ZNF860: variants seen among roughly 807,000 people sequenced by gnomAD.
ZNF860 encodes the protein zinc finger protein 860.
For missense variants in ZNF860, 641 were observed against 759.2 expected, an observed-to-expected ratio of 0.84 and a Z score of 1.83; for synonymous variants, 206 against 248.9, an observed-to-expected ratio of 0.83 and a Z score of 1.62.
the ZNF860 span, among the ~76,000 whole-genome samples, chr3:32,002,923 C>G: frequency 6.6e-6 from 1 of 152,178 alleles, no homozygotes; most frequent in African/African-American, 2.4e-5. Flanking sequence ...GACAGACAAT[C>G]AGGTCATTAC....
At chr3:31,997,472 C>T in the ZNF860 span, among the ~76,000 whole-genome samples, 1 of 151,798 alleles carries the variant, frequency 6.6e-6, no homozygotes. Flanking sequence ...ACCATGTTGG[C>T]CAGGATGGTC....
chr3:31,983,428 A>C (rs1158319647), intron 1 of ZNF860, among the ~76,000 whole-genome samples: 1 of 152,224 alleles, frequency 6.6e-6, no homozygotes, highest in Non-Finnish European at 1.5e-5. Context: ...CTAGCACAAC[A>C]AATTCTCACC....
At position 31,990,140 on chromosome 3, in the gene ZNF860, A is replaced by C; in HGVS notation, c.1061A>C (p.Asp354Ala). The change falls in exon 2 of 2, where the codon GAT becomes GCT. Residue 354 changes from aspartate to alanine, a missense_variant. By Grantham distance (126) the Asp-to-Ala change is moderately radical. Transcript: ENST00000360311. ...GTTTGTGAAAAGGCTTTCAGGCGTG[A>C]TTCACACCTCACACAACACACTAGA... ...CKVCEKAFRR[D>A]SHLTQHTRIH... 3.7e-6 allele frequency: 6 copies of C among 1,611,714 alleles called. No homozygotes were observed. Among genetic ancestry groups the C allele is most frequent in the Non-Finnish European group, 5.1e-6 (6 of 1,178,588 alleles).
In ZNF860 at chr3:31,989,526, G is replaced by A. The variant is rs1401399705; in HGVS notation, c.447G>A (p.Lys149=). 1.2e-6 allele frequency: 2 copies of A among 1,614,192 alleles called. No homozygotes were observed. The highest frequency in any genetic ancestry group is 2.2e-5 in the South Asian group (2 of 91,084). ...DRYDRRHPGN[K]PIKDQLGLSF... ...ATGATCGAAGGCATCCTGGAAACAA[G>A]CCTATCAAAGATCAGCTTGGATTAA... Residue 149 remains lysine (K), a synonymous_variant, in exon 2 of 2, where the codon AAG becomes AAA. Transcript: ENST00000360311.
the ZNF860 span, among the ~76,000 whole-genome samples, chr3:31,997,791 T>C: frequency 2.0e-5 from 3 of 152,052 alleles, no homozygotes; most frequent in Admixed American, 2.0e-4. Flanking sequence ...TTGTTTTGTT[T>C]TTGTTTCTGA....
chr3:32,004,288 C>G, the ZNF860 span, among the ~76,000 whole-genome samples: 1 of 152,068 alleles, frequency 6.6e-6, no homozygotes, highest in African/African-American at 2.4e-5. Flanking sequence ...CAGTGTGGAC[C>G]TGGAGGGCCT....
the ZNF860 span, among the ~76,000 whole-genome samples, chr3:31,998,040 G>A: frequency 1.1e-4 from 16 of 151,982 alleles, no homozygotes; most frequent in Non-Finnish European, 1.2e-4. Context: ...CAGTCCTCCC[G>A]CCTCGGCCTC....
Position 31,991,224 on chromosome 3 carries a change from T to A in ZNF860, c.*246T>A, listed in dbSNP as rs1311941875. ...ACTGTGGGAGGTCAAGACGGATAGATCACTTGAGGTCAGGAGTTTGAGACC... is the reference window on the plus strand; with the variant it reads ...ACTGTGGGAGGTCAAGACGGATAGAACACTTGAGGTCAGGAGTTTGAGACC... On this transcript the variant is annotated 3_prime_UTR_variant, in exon 2 of 2. Transcript: ENST00000360311. The A allele has an allele frequency of 2.2e-6, 1 of 447,978 alleles. No homozygotes were observed. Among genetic ancestry groups the A allele is most frequent in the African/African-American group, 2.0e-5 (1 of 49,864 alleles). The allele number at this position is 447,978 out of a possible 1,614,324, so 27.8% of individuals were successfully genotyped here. A position where few individuals can be genotyped will look rare whatever the true frequency, so the allele number is the denominator to read the frequency against.
intron 1 of ZNF860, among the ~76,000 whole-genome samples, chr3:31,987,647 C>G (rs1445457164): frequency 6.6e-6 from 1 of 152,206 alleles, no homozygotes; most frequent in Admixed American, 6.5e-5. Context: ...CATCCTCTAG[C>G]AGGCCAGCCC....
chr3:31,998,544 G>A, the ZNF860 span, among the ~76,000 whole-genome samples: 4 of 152,148 alleles, frequency 2.6e-5, no homozygotes, highest in Non-Finnish European at 5.9e-5. Context: ...TCTGTCACTA[G>A]CAAAACCCAT....
chr3:32,003,314 C>T, the ZNF860 span, among the ~76,000 whole-genome samples: 1 of 152,196 alleles, frequency 6.6e-6, no homozygotes, highest in African/African-American at 2.4e-5. Context: ...TATGCATATA[C>T]ACATGAAAGG....
downstream of ZNF860, among the ~76,000 whole-genome samples, chr3:31,992,085 G>A (rs955925301): frequency 2.0e-5 from 3 of 149,870 alleles, no homozygotes; most frequent in African/African-American, 4.9e-5. Flanking sequence ...GGCAGAGGTC[G>A]CAGTGAGCCA....
intron 1 of ZNF860, among the ~76,000 whole-genome samples, chr3:31,985,418 T>TGATTGG (rs1185814684): frequency 6.6e-6 from 1 of 152,198 alleles, no homozygotes. Flanking sequence ...AAGCTATGCA[T>TGATTGG]GATTGGAGCA....
downstream of ZNF860, among the ~76,000 whole-genome samples, chr3:31,992,982 A>G (rs909205869): frequency 2.0e-5 from 3 of 152,148 alleles, no homozygotes; most frequent in Non-Finnish European, 1.5e-5. Context: ...CAGCCCAGGC[A>G]ATAGAGCAAG....
At chr3:31,982,773 G>A (rs1023841970) in intron 1 of ZNF860, among the ~76,000 whole-genome samples, 3 of 152,180 alleles carry the variant, frequency 2.0e-5, no homozygotes, top group Admixed American at 1.3e-4. Context: ...CTGCAAAATG[G>A]GACAAATGAT....
At chr3:31,984,579 A>C (rs551872414) in intron 1 of ZNF860, among the ~76,000 whole-genome samples, 2 of 152,292 alleles carry the variant, frequency 1.3e-5, no homozygotes, top group African/African-American at 4.8e-5. Flanking sequence ...CTTAAGTTTT[A>C]CAATAGTGGT....
At chr3:31,982,135 G>A (rs1698863189) in intron 1 of ZNF860, among the ~76,000 whole-genome samples, 1 of 152,164 alleles carries the variant, frequency 6.6e-6, no homozygotes, top group Non-Finnish European at 1.5e-5. Context: ...CCTAGGAGCA[G>A]AGGCTCTGAA....
At chr3:31,999,600 A>T in the ZNF860 span, among the ~76,000 whole-genome samples, 1 of 152,008 alleles carries the variant, frequency 6.6e-6, no homozygotes. Flanking sequence ...ACCTCAGGTG[A>T]TCTGCCTGCC....
chr3:31,992,101 G>A (rs1434187392), downstream of ZNF860, among the ~76,000 whole-genome samples: 2 of 146,158 alleles, frequency 1.4e-5, no homozygotes, highest in Non-Finnish European at 3.0e-5. Context: ...AGCCAGGATC[G>A]CCCCACTGCA....
Sources: gnomAD v4.1 joint callset for allele counts (sites outside exome capture counted in the v4.1 genomes callset) on GRCh38, gnomAD v4.1.1 for gene constraint, MANE v1.5 for transcripts, NCBI Gene and HGNC (gene_info 2026-07-23, HGNC 2026-07-21) for gene names.